The following RAD51B variants were observed in gnomAD, a reference collection of about 807,000 sequenced individuals.
RAD51B encodes the protein DNA repair protein RAD51 homolog 2.
RAD51B carries 38 observed loss-of-function variants against 42.2 expected under a neutral mutation model. The observed-to-expected ratio is 0.90, with a 90% CI of 0.70 to 1.18. RAD51B has a LOEUF of 1.18. Among genes scored for constraint, RAD51B ranks in the 50% most tolerant of loss-of-function variants. The pLI is 0.00. For synonymous variants in RAD51B, 154 were observed against 145.2 expected, an observed-to-expected ratio of 1.06 and a Z score of -0.43; for missense variants, 373 against 400.7, an observed-to-expected ratio of 0.93 and a Z score of 0.59.
intron 9 of RAD51B, among the ~76,000 whole-genome samples, chr14:68,458,369 A>G (rs2085757187): frequency 6.6e-6 from 1 of 152,222 alleles, no homozygotes; most frequent in Admixed American, 6.5e-5. Context: ...AATGTTGAGG[A>G]AAAAACCGTA....
intron 10 of RAD51B, among the ~76,000 whole-genome samples, chr14:68,538,193 C>T (rs1390692413): frequency 6.6e-6 from 1 of 152,204 alleles, no homozygotes; most frequent in East Asian, 1.9e-4. Flanking sequence ...CCATTTGAGT[C>T]TGTCCTCCTA....
chr14:68,019,104 G>GAA (rs1464149889), intron 7 of RAD51B, among the ~76,000 whole-genome samples: 1 of 151,292 alleles, frequency 6.6e-6, no homozygotes, highest in Non-Finnish European at 1.5e-5. Flanking sequence ...CTGATTTACT[G>GAA]AAACACCCAG....
intron 8 of RAD51B, among the ~76,000 whole-genome samples, chr14:68,344,970 A>G (rs1418701566): frequency 1.3e-5 from 2 of 151,012 alleles, no homozygotes; most frequent in African/African-American, 2.4e-5. Flanking sequence ...AAAAAAAACA[A>G]CATTTAATGA....
At chr14:68,634,576 C>G (rs1349484648) in intron 10 of RAD51B, among the ~76,000 whole-genome samples, 1 of 152,200 alleles carries the variant, frequency 6.6e-6, no homozygotes, top group Non-Finnish European at 1.5e-5. Flanking sequence ...CAGCCTGCCA[C>G]TGGCTCCACA....
At chr14:68,410,719 G>C (rs905091588) in intron 8 of RAD51B, among the ~76,000 whole-genome samples, 1 of 152,176 alleles carries the variant, frequency 6.6e-6, no homozygotes, top group Non-Finnish European at 1.5e-5. Context: ...GGAACAGAAA[G>C]GGTTTTCTCA....
chr14:68,027,026 G>C (rs982004838), intron 7 of RAD51B, among the ~76,000 whole-genome samples: 5 of 152,114 alleles, frequency 3.3e-5, no homozygotes, highest in African/African-American at 1.2e-4. Flanking sequence ...CTCTTATAAG[G>C]CTTCTCTAGT....
At chr14:68,677,109 C>T (rs1303346627) in intron 11 of RAD51B, among the ~76,000 whole-genome samples, 1 of 152,164 alleles carries the variant, frequency 6.6e-6, no homozygotes, top group South Asian at 2.1e-4. Flanking sequence ...TTTCTGGAAC[C>T]TCAAATCAAG....
chr14:68,570,549 G>A (rs1229526264), intron 10 of RAD51B, among the ~76,000 whole-genome samples: 1 of 152,186 alleles, frequency 6.6e-6, no homozygotes, highest in African/African-American at 2.4e-5. Flanking sequence ...AGGGACAAAG[G>A]CATGGCCAGG....
At chr14:68,230,257 T>C (rs542570273) in intron 7 of RAD51B, among the ~76,000 whole-genome samples, 28 of 152,266 alleles carry the variant, frequency 1.8e-4, no homozygotes, top group African/African-American at 6.5e-4. Flanking sequence ...AAAAGAGTAA[T>C]TTTTGAAGGT....
intron 7 of RAD51B, among the ~76,000 whole-genome samples, chr14:68,163,225 C>T (rs924298352): frequency 4.9e-4 from 75 of 152,242 alleles, no homozygotes; most frequent in Admixed American, 4.8e-3. Flanking sequence ...TTGTTGGAGT[C>T]GGAAGATTTG....
chr14:67,954,979 TAGGGAGAGGACAGATGCTG>T (rs1463391240), intron 7 of RAD51B, among the ~76,000 whole-genome samples: 15 of 151,736 alleles, frequency 9.9e-5, no homozygotes, highest in Non-Finnish European at 1.9e-4. Flanking sequence ...GGTGGAGGTA[TAGGGAGAGGACAGATGCTG>T]AGGGAGGATA....
chr14:67,916,671 T>C (rs1483548185), intron 7 of RAD51B, among the ~76,000 whole-genome samples: 1 of 152,206 alleles, frequency 6.6e-6, no homozygotes, highest in Admixed American at 6.5e-5. Flanking sequence ...TATGTGCACT[T>C]TGGTACCAGG....
At chr14:68,318,986 G>T (rs1292834200) in intron 8 of RAD51B, among the ~76,000 whole-genome samples, 1 of 152,184 alleles carries the variant, frequency 6.6e-6, no homozygotes, top group African/African-American at 2.4e-5. Flanking sequence ...GATGCCATCA[G>T]AGGGGAAGTC....
intron 10 of RAD51B, among the ~76,000 whole-genome samples, chr14:68,504,662 C>CTTTTTTTTTTTTTTTTTTTTTTTT (rs57967320): frequency 2.2e-5 from 2 of 90,434 alleles, no homozygotes; most frequent in African/African-American, 4.1e-5. Context: ...TTTTTTCTTT[C>CTTTTTTTTTTTTTTTTTTTTTTTT]TTTTTTTTTT....
At chr14:68,625,881 A>G (rs1316525318) in intron 10 of RAD51B, among the ~76,000 whole-genome samples, 2 of 152,144 alleles carry the variant, frequency 1.3e-5, no homozygotes, top group Non-Finnish European at 2.9e-5. Flanking sequence ...GAGGTTAGCA[A>G]CTGCGTTCTT....
intron 8 of RAD51B, among the ~76,000 whole-genome samples, chr14:68,398,188 C>A (rs1208030111): frequency 6.6e-6 from 1 of 152,240 alleles, no homozygotes; most frequent in Non-Finnish European, 1.5e-5. Flanking sequence ...CTCCCTCTGA[C>A]CAGGTGAATT....
At chr14:68,063,263 G>T (rs1415223812) in intron 7 of RAD51B, among the ~76,000 whole-genome samples, 1 of 151,850 alleles carries the variant, frequency 6.6e-6, no homozygotes, top group Non-Finnish European at 1.5e-5. Context: ...TTTCTAATAT[G>T]ATTTACATAT....
intron 10 of RAD51B, among the ~76,000 whole-genome samples, chr14:68,591,227 A>G (rs1283785691): frequency 1.3e-5 from 2 of 152,206 alleles, no homozygotes; most frequent in Non-Finnish European, 2.9e-5. Flanking sequence ...ATACACAGGG[A>G]CAGTGGGAAA....
rs151193069 is a variant in RAD51B, at chr14:67,998,314, A to G, written c.756+111110A>G. On this transcript the variant is annotated intron_variant, in intron 7 of 10. Transcript: ENST00000471583. ...AAATATAAAAACTGTTCTTAGAGTT[A>G]TTTTTAAACTGAACTAACATCAGAA... Among the ~76,000 whole-genome samples the G allele has an allele frequency of 6.2e-4, 94 of 152,306 alleles. No homozygotes were observed. In the East Asian group the frequency reaches 0.017, roughly 28 times the overall value.
Sources: allele counts gnomAD v4.1 joint callset (sites outside exome capture counted in the v4.1 genomes callset), GRCh38; gene constraint gnomAD v4.1.1; transcripts MANE v1.5; gene names NCBI Gene and HGNC (gene_info 2026-07-23, HGNC 2026-07-21).